Variants in DTX2 observed in about 807,000 individuals in gnomAD.
The protein encoded by DTX2 is deltex E3 ubiquitin ligase 2.
In DTX2, 29 loss-of-function variants were observed where a neutral mutation model predicts 55.3. That is an observed-to-expected ratio of 0.52 (90% CI 0.39 to 0.71). The LOEUF (loss-of-function observed/expected upper bound fraction) is 0.71. DTX2 is among the 30% of genes least tolerant of loss of function. The pLI is 0.00. For synonymous variants in DTX2, 276 were observed against 340.4 expected (o/e 0.81, Z 2.08); for missense variants, 537 against 822.5 (o/e 0.65, Z 4.25).
Position 76,483,109 on chromosome 7 carries a change from G to A in DTX2, c.870G>A (p.Gln290=), listed in dbSNP as rs1206583027. The change falls in exon 4 of 11, where the codon CAG becomes CAA. Residue 290 remains glutamine, a synonymous_variant. Transcript: ENST00000430490. ...YRSSLSHLGP[Q]HLPPGSSTSG... is the part of the protein sequence containing the mutation. ...CCAGCCTCTCCCACCTGGGACCGCA[G>A]CACCTGCCCCCAGGATCCTCCACCT... 2.5e-6 allele frequency: 4 copies of A among 1,612,756 alleles called. No homozygotes were observed. Among genetic ancestry groups the A allele is most frequent in the Non-Finnish European group, 3.4e-6 (4 of 1,179,740 alleles).
Position 76,482,621 on chromosome 7 carries a change from G to A in DTX2, c.382G>A (p.Val128Ile), listed in dbSNP as rs12534498. ...DGSWTAYEAS[V>I]CDYLEQQVAR... ...CTCCTGGACTGCCTATGAAGCCAGCGTCTGTGACTATCTGGAGCAGCAGGT... is the reference window on the plus strand; with the variant it reads ...CTCCTGGACTGCCTATGAAGCCAGCATCTGTGACTATCTGGAGCAGCAGGT... Residue 128 changes from valine (V) to isoleucine (I), a missense_variant, in exon 4 of 11, where the codon GTC (valine) becomes ATC (isoleucine). Around this residue, in one of 7 missense-constraint regions of DTX2, gnomAD observed 301 missense variants for 396.6 expected, o/e 0.76. Transcript: ENST00000430490. The A allele has an allele frequency of 0.017, 26,921 of 1,613,832 alleles. 337 individuals carry two copies. The highest frequency in any genetic ancestry group is 0.02 in the Non-Finnish European group (23,816 of 1,179,820).
chr7:76,480,886 C>T, intron 3 of DTX2, 109 bp downstream of exon 3: 1 of 1,268,848 alleles, frequency 7.9e-7, no homozygotes, highest in African/African-American at 1.5e-5. Context: ...CTTCTGCTCT[C>T]TCCCTGCAGC....
Position 76,505,408 on chromosome 7 carries a change from G to A in DTX2, c.1676G>A (p.Arg559Gln), listed in dbSNP as rs141181111. 18 of 1,591,294 alleles carry A rather than the reference G, an allele frequency of 1.1e-5. No homozygotes were observed. The highest frequency in any genetic ancestry group is 6.7e-5 in the African/African-American group (5 of 74,234). Residue 559 changes from arginine to glutamine, a missense_variant, in exon 11 of 11, where the codon CGG becomes CAG. By Grantham distance (43) the Arg-to-Gln change is conservative (BLOSUM62 1). This residue lies in a region of DTX2 where 33 missense variants were observed against 48.4 expected (regional missense o/e 0.68). Coordinates refer to ENST00000430490, the MANE Select transcript of DTX2 (RefSeq NM_001102594.3). The surrounding 1 kb of genome is among the most constrained non-coding windows in gnomAD (Gnocchi z 4.4). ...LELLKVAWKR[R>Q]LIFTVGTSST... ...CTCCTGAAGGTGGCCTGGAAGAGGC[G>A]GCTCATCTTCACAGTGGGCACGTCC...
At chr7:76,464,599 G>A (rs1296184192) in intron 2 of DTX2, among the ~76,000 whole-genome samples, 3 of 151,888 alleles carry the variant, frequency 2.0e-5, no homozygotes, top group African/African-American at 4.8e-5. Flanking sequence ...GCCGCTCTAC[G>A]TTGTCCAGGC....
At chr7:76,476,584 G>A (rs1283106206) in intron 2 of DTX2, among the ~76,000 whole-genome samples, 1 of 149,974 alleles carries the variant, frequency 6.7e-6, no homozygotes, top group Non-Finnish European at 1.5e-5. Context: ...AAGGGTAGGT[G>A]GAGCCAGCCG....
chr7:76,483,184 G>C (rs749612129), intron 4 of DTX2, 37 bp downstream of exon 4: 3 of 1,598,130 alleles, frequency 1.9e-6, no homozygotes, highest in Non-Finnish European at 2.6e-6. Flanking sequence ...TGTCTGCCCT[G>C]TGTTTCCGCT....
At chr7:76,494,290 C>T (rs1810689958) in intron 5 of DTX2, among the ~76,000 whole-genome samples, 1 of 91,650 alleles carries the variant, frequency 1.1e-5, no homozygotes, top group Non-Finnish European at 2.4e-5. Flanking sequence ...GCAGGGGAGA[C>T]AGAATGAGCA....
chr7:76,502,199 T>C (rs548585067), intron 7 of DTX2, 99 bp from the exon 8 acceptor site: 14 of 1,263,004 alleles, frequency 1.1e-5, no homozygotes, highest in Non-Finnish European at 1.5e-5. Flanking sequence ...TTGACTGCAC[T>C]TCCAGCATTT....
chr7:76,466,920 C>T lies in DTX2; in HGVS notation c.-90+3211C>T, dbSNP rs1040111946. ...GCCTATTTCTTTCTTTTTTTAGAGACAGTGTCTCACCTTGTAACCCAGGCA... is the reference window on the plus strand; with the variant it reads ...GCCTATTTCTTTCTTTTTTTAGAGATAGTGTCTCACCTTGTAACCCAGGCA... On this transcript the variant is annotated intron_variant, in intron 2 of 10. Transcript: ENST00000430490. 5.9e-5 allele frequency among the ~76,000 whole-genome samples: 9 copies of T among 151,740 alleles called. 1 individual carries two copies. The highest frequency in any genetic ancestry group is 2.2e-4 in the African/African-American group (9 of 41,262).
rs1274952620 is a variant in DTX2 at position 76,480,432 on chromosome 7, G to T, written c.-78G>T. 9.9e-6 allele frequency: 14 copies of T among 1,417,040 alleles called. No homozygotes were observed. Among genetic ancestry groups the T allele is most frequent in the Non-Finnish European group, 9.4e-7 (1 of 1,058,486 alleles). 87.8% of individuals were successfully genotyped at this position (1,417,040 alleles called of 1,614,324 possible). A position where few individuals can be genotyped will look rare whatever the true frequency, so the allele number is the denominator to read the frequency against. Reference sequence around the variant, plus strand: ...TGTCCTGTTCACAGATCTGCCGGAGGCGCTGGGCAATGACCCCGGGACTCC... The same window carrying T: ...TGTCCTGTTCACAGATCTGCCGGAGTCGCTGGGCAATGACCCCGGGACTCC... On this transcript the variant is annotated 5_prime_UTR_variant, in exon 3 of 11. Coordinates refer to ENST00000430490, the MANE Select transcript of DTX2 (RefSeq NM_001102594.3).
At chr7:76,500,980 G>A (rs1193908727) in intron 7 of DTX2, among the ~76,000 whole-genome samples, 7 of 152,156 alleles carry the variant, frequency 4.6e-5, no homozygotes, top group South Asian at 2.1e-4. Context: ...GTGCAGTGGC[G>A]TGATCACAGC....
In DTX2 at chr7:76,481,957, G is replaced by A. The variant is rs531871708; in HGVS notation, c.269-551G>A. On this transcript the variant is annotated intron_variant, in intron 3 of 10. Coordinates refer to ENST00000430490, the MANE Select transcript of DTX2 (RefSeq NM_001102594.3). Reference sequence around the variant, plus strand: ...AAGTGATCCTCCTGCCTTGGCCTCCGAAAGTGTTGGGATTACAGGCTCGAG... The same window carrying A: ...AAGTGATCCTCCTGCCTTGGCCTCCAAAAGTGTTGGGATTACAGGCTCGAG... Among the ~76,000 whole-genome samples the A allele has an allele frequency of 1.7e-3, 251 of 151,578 alleles. 2 individuals are homozygous for A. The highest frequency in any genetic ancestry group is 0.014 in the South Asian group (65 of 4,780).
chr7:76,498,416 G>A (rs1443262468), intron 6 of DTX2, among the ~76,000 whole-genome samples: 6 of 151,744 alleles, frequency 4.0e-5, no homozygotes, highest in African/African-American at 1.2e-4. Context: ...AGCCAGACTC[G>A]TTGGCAGCCC....
chr7:76,483,041 G>A lies in DTX2; in HGVS notation c.802G>A (p.Gly268Ser). The part of the protein sequence containing the change: ...APRLNTTNAW[G>S]AAPPSLGSQP... Reference sequence around the variant, plus strand: ...CAGGCTGAACACCACCAACGCCTGGGGCGCAGCTCCTCCTTCCCTGGGGAG... The same window carrying A: ...CAGGCTGAACACCACCAACGCCTGGAGCGCAGCTCCTCCTTCCCTGGGGAG... The change falls in exon 4 of 11, where the codon GGC (glycine) becomes AGC (serine). Residue 268 changes from glycine to serine, a missense_variant. Around this residue, in one of 7 missense-constraint regions of DTX2, gnomAD observed 301 missense variants for 396.6 expected, o/e 0.76. Transcript: ENST00000430490. The A allele has an allele frequency of 6.2e-7, 1 of 1,613,480 alleles. No homozygotes were observed. The highest frequency in any genetic ancestry group is 2.2e-5 in the East Asian group (1 of 44,876).
intron 2 of DTX2, chr7:76,474,783 A>G (rs1808358618): frequency 6.6e-6 from 1 of 151,856 alleles, no homozygotes; most frequent in Non-Finnish European, 1.5e-5. Context: ...GCCAGTGCAG[A>G]TCTTGTTCTA....
intron 2 of DTX2, among the ~76,000 whole-genome samples, chr7:76,474,005 T>A: frequency 8.4e-6 from 1 of 118,536 alleles, no homozygotes; most frequent in South Asian, 3.4e-4. Context: ...CACTGCAACC[T>A]CCACCTCCCG....
At position 76,465,074 on chromosome 7, in the gene DTX2, A is replaced by C. The variant is rs1388551056; in HGVS notation, c.-90+1365A>C. ...GTGCCTCAGCTTCCCGAGTAGCTGG[A>C]CTTACAGGTGCACACCATCATGCCT... On this transcript the variant is annotated intron_variant, in intron 2 of 10. Transcript: ENST00000430490. Among the ~76,000 whole-genome samples, 3 of 150,154 alleles carry C rather than the reference A, an allele frequency of 2.0e-5. No homozygotes were observed. The East Asian group carries it at 5.8e-4, about 29-fold the overall frequency.
In DTX2 at chr7:76,505,715, G is replaced by T. The variant is rs1320151428; in HGVS notation, c.*114G>T. On this transcript the variant is annotated 3_prime_UTR_variant, in exon 11 of 11. Transcript: ENST00000430490. The surrounding 1 kb of genome is among the most constrained non-coding windows in gnomAD (Gnocchi z 4.4). The stretch of plus-strand genomic sequence containing the variant: ...GGCTGGGAGGTTTGTTGAGGGTGTG[G>T]GGTGTGCCCCACCTGAAGCCGGGGC... 7 of 1,159,768 alleles carry T rather than the reference G, an allele frequency of 6.0e-6. No homozygotes were observed. The East Asian group carries it at 1.8e-4, about 30-fold the overall frequency. 71.8% of individuals were successfully genotyped at this position (1,159,768 alleles called of 1,614,324 possible).
In DTX2 at chr7:76,482,540, C is replaced by A. The variant is rs760694781; in HGVS notation, c.301C>A (p.Pro101Thr). Reference sequence around the variant, plus strand: ...GCGGGCTGTGCGGAGACACCTGTTCCCCCAGCACTCAGCCCCTGGCCGAGG... The same window carrying A: ...GCGGGCTGTGCGGAGACACCTGTTCACCCAGCACTCAGCCCCTGGCCGAGG... ...TMRAVRRHLF[P>T]QHSAPGRGVV... The change falls in exon 4 of 11, where the codon CCC becomes ACC. Residue 101 changes from proline to threonine, a missense_variant. This residue lies in a region of DTX2 where 301 missense variants were observed against 396.6 expected (regional missense o/e 0.76). Coordinates refer to ENST00000430490, the MANE Select transcript of DTX2 (RefSeq NM_001102594.3). 6.2e-7 allele frequency: 1 copy of A among 1,610,624 alleles called. No homozygotes were observed. The highest frequency in any genetic ancestry group is 8.5e-7 in the Non-Finnish European group (1 of 1,177,486).
Sources: gnomAD v4.1 joint callset for allele counts (sites outside exome capture counted in the v4.1 genomes callset) on GRCh38, gnomAD v4.1.1 for gene constraint, gnomAD v4.1.1 regional missense constraint, Gnocchi (gnomAD v3.1) non-coding constraint, MANE v1.5 for transcripts, NCBI Gene and HGNC (gene_info 2026-07-23, HGNC 2026-07-21) for gene names.